Variants in FKBP5 observed in about 807,000 individuals in gnomAD.
FKBP5 encodes FKBP prolyl isomerase 5.
FKBP5 carries 23 observed loss-of-function variants against 50.5 expected under a neutral mutation model. The observed-to-expected ratio is 0.46, with a 90% confidence interval of 0.33 to 0.65. The LOEUF is 0.65. Among genes scored for constraint, FKBP5 ranks in the 30% least tolerant of loss-of-function variants. The probability of loss-of-function intolerance (pLI) is 0.02; values close to 1 mark genes in which losing one functional copy is unlikely to be tolerated. For synonymous variants in FKBP5, 176 were observed against 190.6 expected (o/e 0.92, Z 0.63); for missense variants, 411 against 553.1 (o/e 0.74, Z 2.58).
intron 1 of FKBP5, among the ~76,000 whole-genome samples, chr6:35,727,218 C>T (rs2151026625): frequency 6.6e-6 from 1 of 152,346 alleles, no homozygotes; most frequent in African/African-American, 2.4e-5. Flanking sequence ...GGACCCAATA[C>T]AGAGCCTTCC....
At chr6:35,671,199 A>G (rs9368882) in intron 1 of FKBP5, among the ~76,000 whole-genome samples, 123,593 of 151,688 alleles carry the variant, frequency 0.81, 50,974 homozygotes, top group African/African-American at 0.95. Flanking sequence ...GGGAGGTAGA[A>G]GTTGCAGTTA....
intron 3 of FKBP5, among the ~76,000 whole-genome samples, chr6:35,625,927 T>C (rs1292057876): frequency 1.3e-5 from 2 of 151,232 alleles, no homozygotes; most frequent in Non-Finnish European, 3.0e-5. Flanking sequence ...CTACAGGCGC[T>C]AGCCACCACT....
chr6:35,712,824 G>A (rs1561906741), intron 2 of FKBP5, among the ~76,000 whole-genome samples: 1 of 152,102 alleles, frequency 6.6e-6, no homozygotes, highest in Non-Finnish European at 1.5e-5. Context: ...ACTGAAGCTG[G>A]CCGTGTGGCC....
At chr6:35,694,516 TA>T (rs1313108905) in intron 2 of FKBP5, among the ~76,000 whole-genome samples, 2 of 152,160 alleles carry the variant, frequency 1.3e-5, no homozygotes, top group Non-Finnish European at 2.9e-5. Context: ...CATTGTATTT[TA>T]AAAAATCATT....
intron 6 of FKBP5, among the ~76,000 whole-genome samples, chr6:35,592,508 T>C (rs1762852868): frequency 6.6e-6 from 1 of 152,212 alleles, no homozygotes; most frequent in Non-Finnish European, 1.5e-5. Context: ...GATGCCTAAT[T>C]TTCTACTTTG....
At chr6:35,632,076 T>C (rs1376194102) in intron 3 of FKBP5, among the ~76,000 whole-genome samples, 1 of 152,130 alleles carries the variant, frequency 6.6e-6, no homozygotes, top group East Asian at 1.9e-4. Context: ...AGAACCCCTA[T>C]TATAGAAGTA....
intron 1 of FKBP5, among the ~76,000 whole-genome samples, chr6:35,680,834 T>G (rs1157628020): frequency 6.6e-6 from 1 of 152,232 alleles, no homozygotes; most frequent in Non-Finnish European, 1.5e-5. Flanking sequence ...ACAACTCTTT[T>G]AACAGAAACA....
In FKBP5 at chr6:35,659,484, T is replaced by C. The variant is rs530811006; in HGVS notation, c.-19-16641A>G. ...CCGGTCTCAAAGTCCCGACCTCAGG[T>C]GATCCGCCTACCTCAGCCTCCCAAA... On this transcript the variant is annotated intron_variant, in intron 1 of 10. Transcript: ENST00000357266. 3.6e-5 allele frequency among the ~76,000 whole-genome samples: 3 copies of C among 84,332 alleles called. 1 individual carries two copies. The East Asian group carries it at 1.1e-3, about 32-fold the overall frequency. 55.3% of individuals were successfully genotyped at this position (84,332 alleles called of 152,430 possible). A position where few individuals can be genotyped will look rare whatever the true frequency, so the allele number is the denominator to read the frequency against.
At chr6:35,679,805 T>C (rs1002295158) in intron 1 of FKBP5, among the ~76,000 whole-genome samples, 1 of 152,106 alleles carries the variant, frequency 6.6e-6, no homozygotes, top group African/African-American at 2.4e-5. Flanking sequence ...AACTACATAT[T>C]GGGTAAAATG....
At chr6:35,713,266 TTAGGAC>T (rs1200904340) in intron 2 of FKBP5, among the ~76,000 whole-genome samples, 3 of 151,824 alleles carry the variant, frequency 2.0e-5, no homozygotes, top group Non-Finnish European at 4.4e-5. Flanking sequence ...TGGGGGAACC[TTAGGAC>T]TAGAATGAGG....
chr6:35,697,403 C>T (rs915335290), intron 2 of FKBP5, among the ~76,000 whole-genome samples: 5 of 151,992 alleles, frequency 3.3e-5, no homozygotes, highest in African/African-American at 9.7e-5. Context: ...CAAAATTAGC[C>T]GGGCATGGTG....
intron 9 of FKBP5, among the ~76,000 whole-genome samples, chr6:35,579,154 G>A (rs943234599): frequency 1.6e-4 from 24 of 148,422 alleles, no homozygotes; most frequent in Admixed American, 4.6e-4. Flanking sequence ...ACACACGCGC[G>A]CGCGCACACA....
At chr6:35,694,316 T>A (rs977666634) in intron 2 of FKBP5, among the ~76,000 whole-genome samples, 1 of 152,072 alleles carries the variant, frequency 6.6e-6, no homozygotes, top group Non-Finnish European at 1.5e-5. Flanking sequence ...TGGTTAATTT[T>A]TTTTATTTGT....
intron 5 of FKBP5, among the ~76,000 whole-genome samples, chr6:35,617,940 A>AGCAG (rs748229096): frequency 5.9e-5 from 9 of 152,220 alleles, no homozygotes; most frequent in Admixed American, 4.6e-4. Flanking sequence ...TAAACACCAA[A>AGCAG]GCAGGACTTG....
intron 1 of FKBP5, among the ~76,000 whole-genome samples, chr6:35,663,964 T>G (rs1765145885): frequency 6.6e-6 from 1 of 152,246 alleles, no homozygotes. Context: ...ATGGACGAGC[T>G]AAGTAATCTA....
chr6:35,673,242 T>C (rs1481864753), intron 1 of FKBP5, among the ~76,000 whole-genome samples: 4 of 152,196 alleles, frequency 2.6e-5, no homozygotes, highest in Non-Finnish European at 4.4e-5. Context: ...GTGTTGTGTG[T>C]GGCATATATT....
rs554000570 is a variant in FKBP5 at position 35,611,953 on chromosome 6, C to T, written c.508+7143G>A. Among the ~76,000 whole-genome samples, 13 of 152,140 alleles carry T rather than the reference C, an allele frequency of 8.5e-5. No homozygotes were observed. In the South Asian group the frequency reaches 2.7e-3, roughly 32 times the overall value. On this transcript the variant is annotated intron_variant, in intron 5 of 10. Transcript: ENST00000357266. ...CATAATGTTATTCTTTCCCCGGAAC[C>T]TTGAGAAATGTGATTTAGATAAGAT...
At chr6:35,681,910 G>A (rs1413339128) in intron 1 of FKBP5, among the ~76,000 whole-genome samples, 1 of 152,080 alleles carries the variant, frequency 6.6e-6, no homozygotes, top group Non-Finnish European at 1.5e-5. Context: ...CAGTCTGGGC[G>A]ATAGAGTGAG....
At position 35,591,299 on chromosome 6, in the gene FKBP5, A is replaced by ATTTGCAAGCT. The variant is rs1762813518; in HGVS notation, c.666-80_666-79insAGCTTGCAAA. 8.6e-6 allele frequency: 8 copies of ATTTGCAAGCT among 934,706 alleles called. No homozygotes were observed. The South Asian group carries it at 1.1e-4, about 13-fold the overall frequency. The allele number at this position is 934,706 out of a possible 1,614,324, so 57.9% of individuals were successfully genotyped here. A position where few individuals can be genotyped will look rare whatever the true frequency, so the allele number is the denominator to read the frequency against. On this transcript the variant is annotated intron_variant, in intron 6 of 10. Transcript: ENST00000357266. ...ACTTCCTTCAGTATTTTGAGGCATC[A>ATTTGCAAGCT]ACAGAGCTATCATTTGCAAGCTACA... is the stretch of plus-strand genomic sequence containing the variant.
Sources: allele counts gnomAD v4.1 joint callset (sites outside exome capture counted in the v4.1 genomes callset), GRCh38; gene constraint gnomAD v4.1.1; transcripts MANE v1.5; gene names NCBI Gene and HGNC (gene_info 2026-07-23, HGNC 2026-07-21).